SAP130: variants seen among roughly 807,000 people sequenced by gnomAD.
The protein encoded by SAP130 is Sin3A associated protein 130.
SAP130 carries 16 observed loss-of-function variants against 103.2 expected under a neutral mutation model. The ratio of observed to expected loss-of-function variants is 0.16; its 90% confidence interval spans 0.10 to 0.24. The LOEUF is 0.24. SAP130 is among the 10% of genes least tolerant of loss of function. SAP130 has a pLI of 1.00. For synonymous variants in SAP130, 477 were observed against 497.0 expected, an observed-to-expected ratio of 0.96 and a Z score of 0.53; for missense variants, 990 against 1,359.7, an observed-to-expected ratio of 0.73 and a Z score of 4.28.
chr2:127,969,172 G>A (rs1031455337), intron 15 of SAP130, among the ~76,000 whole-genome samples: 2 of 152,138 alleles, frequency 1.3e-5, no homozygotes, highest in Non-Finnish European at 2.9e-5. Flanking sequence ...GTTGGCGGGG[G>A]GAGAGGGAGA....
intron 16 of SAP130, 61 bp from the exon 17 acceptor site, chr2:127,950,469 T>C (rs1470813115): frequency 3.2e-6 from 5 of 1,575,896 alleles, no homozygotes. Context: ...AAAGTTTCAC[T>C]TCCTTCCTTC....
intron 7 of SAP130, among the ~76,000 whole-genome samples, chr2:128,008,640 G>A (rs1368233350): frequency 6.6e-6 from 1 of 151,026 alleles, no homozygotes; most frequent in Non-Finnish European, 1.5e-5. Flanking sequence ...AAAAGCACTG[G>A]GGTTACGGGC....
chr2:127,954,895 T>C, intron 16 of SAP130, 91 bp downstream of exon 16: 1 of 1,020,080 alleles, frequency 9.8e-7, no homozygotes, highest in Non-Finnish European at 1.5e-6. Flanking sequence ...GAGTCTTGGC[T>C]GAGGGTTACA....
intron 15 of SAP130, among the ~76,000 whole-genome samples, chr2:127,977,754 C>T (rs1200999187): frequency 6.6e-6 from 1 of 152,122 alleles, no homozygotes; most frequent in Non-Finnish European, 1.5e-5. Context: ...GGAGTGGTGG[C>T]ACACGTCTAT....
intron 7 of SAP130, among the ~76,000 whole-genome samples, chr2:128,003,180 G>A (rs1463207579): frequency 6.6e-6 from 1 of 151,624 alleles, no homozygotes; most frequent in African/African-American, 2.4e-5. Flanking sequence ...GCCCAATTTG[G>A]GGCACTGGGA....
At chr2:127,971,168 A>G (rs939491403) in intron 15 of SAP130, among the ~76,000 whole-genome samples, 11 of 151,698 alleles carry the variant, frequency 7.3e-5, no homozygotes, top group South Asian at 2.1e-4. Context: ...GCCCAGGCTG[A>G]TATCGAACCC....
At chr2:128,016,689 C>T (rs2105208180) in intron 3 of SAP130, 142 bp from the exon 4 acceptor site, 1 of 872,526 alleles carries the variant, frequency 1.1e-6, no homozygotes, top group Non-Finnish European at 1.7e-6. Flanking sequence ...CTATTATCAT[C>T]ACAGTGTTTC....
In SAP130 at chr2:127,996,372, T is replaced by C; in HGVS notation, c.1333A>G (p.Met445Val). 4.4e-6 allele frequency: 7 copies of C among 1,606,162 alleles called. No homozygotes were observed. The highest frequency in any genetic ancestry group is 6.0e-6 in the Non-Finnish European group (7 of 1,176,340). Reference protein sequence around the residue: ...GHRASPNPVAMETRSDNRPSV... With the variant: ...GHRASPNPVAVETRSDNRPSV... Reference sequence around the variant, plus strand: ...TACCTGTTGTCACTTCGGGTTTCCATGGCCACAGGATTGGGAGAGGCCCGA... The same window carrying C: ...TACCTGTTGTCACTTCGGGTTTCCACGGCCACAGGATTGGGAGAGGCCCGA... The change falls in exon 11 of 21, where the codon ATG becomes GTG. Residue 445 changes from methionine (M) to valine (V), a missense_variant. Physicochemically the swap from Met to Val is conservative, Grantham distance 21 (BLOSUM62 1). Around this residue, in one of 6 missense-constraint regions of SAP130, gnomAD observed 336 missense variants for 520.1 expected, o/e 0.65. Coordinates refer to ENST00000643581, the MANE Select transcript of SAP130 (RefSeq NM_001330301.2). This position sits in a 1 kb window ranked among gnomAD's most constrained non-coding sequence, Gnocchi z 4.3.
Position 127,941,681 on chromosome 2 carries a change from A to G in SAP130, c.*325T>C, listed in dbSNP as rs2104827967. On this transcript the variant is annotated 3_prime_UTR_variant, in exon 21 of 21. Transcript: ENST00000643581. ...CTGCAGGAATCCACTAGATAAATAC[A>G]GTCTATAAACCGGAAGGCTGAAAAA... is the stretch of plus-strand genomic sequence containing the variant. 3.2e-6 allele frequency: 1 copy of G among 315,460 alleles called. No individual in the cohort carries two copies. The highest frequency in any genetic ancestry group is 5.8e-6 in the Non-Finnish European group (1 of 172,562). The allele number at this position is 315,460 out of a possible 1,614,324, so 19.5% of individuals were successfully genotyped here. A position where few individuals can be genotyped will look rare whatever the true frequency, so the allele number is the denominator to read the frequency against.
In SAP130 at chr2:127,986,869, T is replaced by C. The variant is rs990584204; in HGVS notation, c.1874A>G (p.His625Arg). The change falls in exon 14 of 21, where the codon CAC becomes CGC. Residue 625 changes from histidine (H) to arginine (R), a missense_variant. Physicochemically the swap from His to Arg is conservative, Grantham distance 29 (BLOSUM62 0). Coordinates refer to ENST00000643581, the MANE Select transcript of SAP130 (RefSeq NM_001330301.2). This position sits in a 1 kb window ranked among gnomAD's most constrained non-coding sequence, Gnocchi z 4.7. The stretch of plus-strand genomic sequence containing the variant: ...AGCGTTGGTGCTAGCACTCTGGCTG[T>C]GGGTCTGCACCACGGTTGTTGCTGC... ...APAATTVVQT[H>R]SQSASTNAPA... 12 of 1,614,254 alleles carry C rather than the reference T, an allele frequency of 7.4e-6. No homozygotes were observed. The highest frequency in any genetic ancestry group is 1.0e-5 in the Non-Finnish European group (12 of 1,180,036).
chr2:128,001,766 T>G (rs1683577936), intron 7 of SAP130, among the ~76,000 whole-genome samples: 1 of 152,110 alleles, frequency 6.6e-6, no homozygotes, highest in Non-Finnish European at 1.5e-5. Context: ...GATGTTTGCA[T>G]GTCAAGACTG....
At chr2:127,968,721 G>A (rs1313275803) in intron 15 of SAP130, among the ~76,000 whole-genome samples, 2 of 152,030 alleles carry the variant, frequency 1.3e-5, no homozygotes, top group African/African-American at 2.4e-5. Context: ...TCACCATGTT[G>A]GCCAGGCTAG....
chr2:127,993,465 C>T (rs989903227), intron 11 of SAP130, among the ~76,000 whole-genome samples, 157 bp from the exon 12 acceptor site: 12 of 150,670 alleles, frequency 8.0e-5, no homozygotes, highest in African/African-American at 2.5e-4. Flanking sequence ...AGGACACACA[C>T]CAAGAATGCA....
In SAP130 at chr2:128,026,237, G is replaced by C. The variant is rs1365433903; in HGVS notation, c.56C>G (p.Ala19Gly). The change falls in exon 2 of 21, where the codon GCC becomes GGC. Residue 19 changes from alanine (A) to glycine (G), a missense_variant. Around this residue, in one of 6 missense-constraint regions of SAP130, gnomAD observed 167 missense variants for 187.4 expected, o/e 0.89. Transcript: ENST00000643581. ...ACCACTGTTTGCAATCTGAGAAGGG[G>C]CCTGGCTCAGCCCGGTAGAAGGGGC... The part of the protein sequence containing the change: ...LGAPSTGLSQ[A>G]PSQIANSGSA... 24 of 1,614,028 alleles carry C rather than the reference G, an allele frequency of 1.5e-5. No homozygotes were observed. The highest frequency in any genetic ancestry group is 1.9e-5 in the Non-Finnish European group (23 of 1,180,016).
intron 5 of SAP130, among the ~76,000 whole-genome samples, chr2:128,014,558 A>T (rs1684639397): frequency 1.3e-5 from 2 of 152,138 alleles, no homozygotes. Context: ...GCTGGTCTCA[A>T]ATTCCTGGAC....
intron 7 of SAP130, among the ~76,000 whole-genome samples, chr2:128,007,722 G>C (rs1684072601): frequency 6.6e-6 from 1 of 152,190 alleles, no homozygotes. Flanking sequence ...AATGGCTTAA[G>C]ATAAGTTCCA....
chr2:127,965,171 C>A (rs1335976403), intron 15 of SAP130, among the ~76,000 whole-genome samples: 1 of 152,074 alleles, frequency 6.6e-6, no homozygotes, highest in African/African-American at 2.4e-5. Context: ...GTGGTGTGCA[C>A]CTGTAGTCCC....
chr2:127,955,363 G>C lies in SAP130; in HGVS notation c.2064-19C>G. On this transcript the variant is annotated intron_variant, in intron 15 of 20. Transcript: ENST00000643581. The surrounding 1 kb of genome is among the most constrained non-coding windows in gnomAD (Gnocchi z 4.9). ...TTTGGCACTAAAACACAAAAGAAAA[G>C]CACATGTAGCAAATAAGAAAAAAAC... 5 of 1,506,514 alleles carry C rather than the reference G, an allele frequency of 3.3e-6. No homozygotes were observed. Among genetic ancestry groups the C allele is most frequent in the Non-Finnish European group, 4.5e-6 (5 of 1,119,748 alleles). 93.3% of individuals were successfully genotyped at this position (1,506,514 alleles called of 1,614,324 possible).
At position 127,941,941 on chromosome 2, in the gene SAP130, A is replaced by AACCC; in HGVS notation, c.*64_*65insGGGT. ...ATGTTCCACTTTGGAAAAAACCAAA[A>AACCC]CCCTCCCCCCACCCCCACCATCATT... On this transcript the variant is annotated 3_prime_UTR_variant, in exon 21 of 21. Transcript: ENST00000643581. 2 of 276,732 alleles carry AACCC rather than the reference A, an allele frequency of 7.2e-6. No individual in the cohort carries two copies. The highest frequency in any genetic ancestry group is 1.4e-5 in the Non-Finnish European group (2 of 145,392). 17.1% of individuals were successfully genotyped at this position (276,732 alleles called of 1,614,324 possible). A position where few individuals can be genotyped will look rare whatever the true frequency, so the allele number is the denominator to read the frequency against.
Sources: allele counts gnomAD v4.1 joint callset (sites outside exome capture counted in the v4.1 genomes callset), GRCh38; gene constraint gnomAD v4.1.1; regional missense constraint gnomAD v4.1.1; non-coding constraint Gnocchi (gnomAD v3.1); transcripts MANE v1.5; gene names NCBI Gene and HGNC (gene_info 2026-07-23, HGNC 2026-07-21).